KIF6: variants seen among roughly 807,000 people sequenced by gnomAD.
KIF6 encodes the protein kinesin-like protein KIF6.
In KIF6, 106 loss-of-function variants were observed where a neutral mutation model predicts 112.7. That is an observed-to-expected ratio of 0.94 (90% CI 0.80 to 1.11). The LOEUF is 1.11. Among genes scored for constraint, KIF6 ranks in the 50% least tolerant of loss-of-function variants. The pLI is 0.00. For missense variants in KIF6, 929 were observed against 964.0 expected (o/e 0.96, Z 0.48); for synonymous variants, 339 against 339.9 (o/e 1.00, Z 0.03).
chr6:39,725,399 T>C lies in KIF6; in HGVS notation c.-89A>G, dbSNP rs1790490353. ...CACCACCTCCGGCGACCCACAGTCTTAGCAACAGTAGCTAGGGACACTACC... is the reference window on the plus strand; with the variant it reads ...CACCACCTCCGGCGACCCACAGTCTCAGCAACAGTAGCTAGGGACACTACC... On this transcript the variant is annotated 5_prime_UTR_variant, in exon 1 of 23. Coordinates refer to ENST00000287152, the MANE Select transcript of KIF6 (RefSeq NM_145027.6). 5 of 988,350 alleles carry C rather than the reference T, an allele frequency of 5.1e-6. No individual in the cohort carries two copies. The highest frequency in any genetic ancestry group is 1.9e-5 in the Admixed American group (1 of 52,006). 61.2% of individuals were successfully genotyped at this position (988,350 alleles called of 1,614,324 possible).
At chr6:39,723,486 A>C (rs1790342058) in intron 1 of KIF6, among the ~76,000 whole-genome samples, 1 of 152,222 alleles carries the variant, frequency 6.6e-6, no homozygotes, top group Non-Finnish European at 1.5e-5. Context: ...ACATAGAACC[A>C]ATCTAAATGC....
intron 14 of KIF6, among the ~76,000 whole-genome samples, chr6:39,420,794 C>T (rs762553428): frequency 2.6e-5 from 4 of 151,998 alleles, no homozygotes; most frequent in Admixed American, 6.6e-5. Context: ...TTTTGTGCCC[C>T]GATGTTTTTT....
intron 1 of KIF6, among the ~76,000 whole-genome samples, chr6:39,723,630 A>G (rs567921748): frequency 6.6e-6 from 1 of 152,328 alleles, no homozygotes; most frequent in South Asian, 2.1e-4. Context: ...CATTCTCAGC[A>G]AACTAAAACA....
chr6:39,503,898 A>G (rs1436345983), intron 13 of KIF6, among the ~76,000 whole-genome samples: 2 of 151,862 alleles, frequency 1.3e-5, no homozygotes, highest in Non-Finnish European at 2.9e-5. Context: ...CAGGACCAGA[A>G]AGATTCATAA....
At chr6:39,475,911 A>G (rs1190845945) in intron 13 of KIF6, among the ~76,000 whole-genome samples, 2 of 152,162 alleles carry the variant, frequency 1.3e-5, no homozygotes, top group Non-Finnish European at 2.9e-5. Flanking sequence ...ACATGGATGG[A>G]GCTGGAAGCC....
At chr6:39,445,118 C>T (rs1772222681) in intron 13 of KIF6, among the ~76,000 whole-genome samples, 1 of 152,212 alleles carries the variant, frequency 6.6e-6, no homozygotes, top group African/African-American at 2.4e-5. Context: ...AATTATCTTT[C>T]CCCAATCTGT....
rs1297351244 is a variant in KIF6, at chr6:39,360,661, C to G, written c.1947-131G>C. On this transcript the variant is annotated intron_variant, in intron 17 of 22. Transcript: ENST00000287152. ...TGCCCTGGTGCTCAGGGACTGGGAC[C>G]CTATAGGAGCTTCGGAGGCCAGGCT... The G allele has an allele frequency of 4.1e-6, 4 of 973,238 alleles. No individual in the cohort carries two copies. The African/African-American group carries it at 6.5e-5, about 16-fold the overall frequency. The allele number at this position is 973,238 out of a possible 1,614,324, so 60.3% of individuals were successfully genotyped here. A position where few individuals can be genotyped will look rare whatever the true frequency, so the allele number is the denominator to read the frequency against.
intron 10 of KIF6, among the ~76,000 whole-genome samples, chr6:39,569,151 ATAAC>A (rs1477093346): frequency 6.6e-6 from 1 of 152,200 alleles, no homozygotes; most frequent in African/African-American, 2.4e-5. Flanking sequence ...TAGTGGTTTT[ATAAC>A]TAAAACCACT....
chr6:39,597,222 T>A (rs1162644308), intron 6 of KIF6, among the ~76,000 whole-genome samples: 1 of 152,212 alleles, frequency 6.6e-6, no homozygotes, highest in African/African-American at 2.4e-5. Flanking sequence ...AAATTGATCC[T>A]AAATGGCATA....
chr6:39,417,639 C>T (rs925668616), intron 15 of KIF6, among the ~76,000 whole-genome samples: 14 of 152,114 alleles, frequency 9.2e-5, no homozygotes, highest in African/African-American at 2.9e-4. Context: ...AAGGCAGCCC[C>T]CAACCTGCCT....
At chr6:39,607,238 T>G (rs554869158) in intron 6 of KIF6, among the ~76,000 whole-genome samples, 1 of 152,318 alleles carries the variant, frequency 6.6e-6, no homozygotes, top group Non-Finnish European at 1.5e-5. Flanking sequence ...CTTAAAATTC[T>G]AATAATAGCT....
intron 13 of KIF6, among the ~76,000 whole-genome samples, chr6:39,450,184 A>G (rs1772597192): frequency 6.6e-6 from 1 of 152,242 alleles, no homozygotes. Context: ...CTTTGGAGAC[A>G]TCTATCATCA....
intron 15 of KIF6, 128 bp downstream of exon 15, chr6:39,419,820 C>A: frequency 1.2e-6 from 1 of 822,488 alleles, no homozygotes; most frequent in South Asian, 1.4e-5. Context: ...CTCAAAGCAG[C>A]TTCCTTGGCA....
chr6:39,390,537 C>T (rs113380476), intron 15 of KIF6, among the ~76,000 whole-genome samples: 8,213 of 152,114 alleles, frequency 0.054, 299 homozygotes, highest in South Asian at 0.1. Context: ...GGGACAGGGG[C>T]GGCAAGGGAA....
intron 13 of KIF6, among the ~76,000 whole-genome samples, chr6:39,529,690 G>A (rs748693134): frequency 5.9e-5 from 9 of 152,134 alleles, no homozygotes; most frequent in African/African-American, 1.9e-4. Flanking sequence ...GGGAGGGTGA[G>A]GCAGGAGAAT....
chr6:39,463,933 T>C (rs1481898397), intron 13 of KIF6, among the ~76,000 whole-genome samples: 1 of 152,226 alleles, frequency 6.6e-6, no homozygotes, highest in Non-Finnish European at 1.5e-5. Flanking sequence ...GTCTTTAAAA[T>C]TTACCTCGGG....
chr6:39,543,758 G>T (rs187158789), intron 12 of KIF6, among the ~76,000 whole-genome samples: 229 of 152,288 alleles, frequency 1.5e-3, no homozygotes, highest in African/African-American at 5.2e-3. Flanking sequence ...CAATACCAAA[G>T]AAATATCTGG....
At chr6:39,406,745 C>T (rs916676054) in intron 15 of KIF6, among the ~76,000 whole-genome samples, 16 of 152,002 alleles carry the variant, frequency 1.1e-4, no homozygotes, top group Admixed American at 2.0e-4. Flanking sequence ...GTTGTTTAAC[C>T]TGCAAGTATT....
intron 10 of KIF6, among the ~76,000 whole-genome samples, chr6:39,556,738 A>C (rs1344016674): frequency 4.1e-4 from 63 of 152,158 alleles, no homozygotes; most frequent in Admixed American, 4.1e-3. Context: ...TTGAGAAAGA[A>C]GTTTATTGGG....
Sources: allele counts gnomAD v4.1 joint callset (sites outside exome capture counted in the v4.1 genomes callset), GRCh38; gene constraint gnomAD v4.1.1; transcripts MANE v1.5; gene names NCBI Gene and HGNC (gene_info 2026-07-23, HGNC 2026-07-21).